The following DCUN1D4 variants were observed in gnomAD, a reference collection of about 807,000 sequenced individuals.
DCUN1D4 encodes DCN1-like protein 4.
DCUN1D4 carries 22 observed loss-of-function variants against 47.9 expected under a neutral mutation model. That is an observed-to-expected ratio of 0.46 (90% CI 0.33 to 0.66). The LOEUF is 0.66. DCUN1D4 is among the 30% of genes least tolerant of loss of function. DCUN1D4 has a pLI of 0.02. For synonymous variants in DCUN1D4, 121 were observed against 112.2 expected (o/e 1.08, Z -0.50); for missense variants, 301 against 340.8 (o/e 0.88, Z 0.92).
chr4:51,841,758 T>A (rs1013308543), upstream of DCUN1D4, among the ~76,000 whole-genome samples: 1 of 151,946 alleles, frequency 6.6e-6, no homozygotes, highest in East Asian at 1.9e-4. Flanking sequence ...AGCATAACAT[T>A]TGTGTCCTGA....
chr4:51,860,947 A>G (rs1215731681), intron 1 of DCUN1D4, among the ~76,000 whole-genome samples: 1 of 152,200 alleles, frequency 6.6e-6, no homozygotes, highest in Non-Finnish European at 1.5e-5. Context: ...AATTGAACCT[A>G]GGAAAAGTTA....
At chr4:51,863,149 A>G (rs1181725878) in intron 1 of DCUN1D4, among the ~76,000 whole-genome samples, 2 of 152,222 alleles carry the variant, frequency 1.3e-5, no homozygotes, top group African/African-American at 4.8e-5. Context: ...TTATCTTTCT[A>G]TTAAGTTCAA....
At chr4:51,871,889 A>G (rs575653948) in intron 3 of DCUN1D4, among the ~76,000 whole-genome samples, 1 of 152,318 alleles carries the variant, frequency 6.6e-6, no homozygotes, top group South Asian at 2.1e-4. Context: ...TTTACAGGGA[A>G]GATGAATGGG....
intron 1 of DCUN1D4, 144 bp downstream of exon 1, chr4:51,843,411 G>C (rs968775297): frequency 1.0e-5 from 13 of 1,286,034 alleles, no homozygotes; most frequent in Middle Eastern, 5.7e-4. Context: ...CCCTCCCGGG[G>C]CCGGGGCGGG....
Position 51,915,424 on chromosome 4 carries a change from A to G in DCUN1D4, c.*1840A>G, listed in dbSNP as rs1734238086. 1 of 152,580 alleles carries G rather than the reference A, an allele frequency of 6.6e-6. No homozygotes were observed. The highest frequency in any genetic ancestry group is 2.4e-5 in the African/African-American group (1 of 41,466). 9.5% of individuals were successfully genotyped at this position (152,580 alleles called of 1,614,324 possible). A position where few individuals can be genotyped will look rare whatever the true frequency, so the allele number is the denominator to read the frequency against. On this transcript the variant is annotated 3_prime_UTR_variant, in exon 11 of 11. Coordinates refer to ENST00000334635, the MANE Select transcript of DCUN1D4 (RefSeq NM_001040402.3). ...ACCTTAAAAATTAATACCAGTTTGC[A>G]TAAACCAATATCTGAAAAGAACAGG...
chr4:51,881,414 A>T (rs1728597099), intron 5 of DCUN1D4, among the ~76,000 whole-genome samples: 1 of 152,186 alleles, frequency 6.6e-6, no homozygotes, highest in South Asian at 2.1e-4. Flanking sequence ...TAGCGAAGGA[A>T]GAGATGTTAA....
rs1734031533 is a variant in DCUN1D4, at chr4:51,913,682, T to C, written c.*98T>C. On this transcript the variant is annotated 3_prime_UTR_variant, in exon 11 of 11. Coordinates refer to ENST00000334635, the MANE Select transcript of DCUN1D4 (RefSeq NM_001040402.3). ...GTATCAAAGCGCATGCTGCTTCTCT[T>C]GCACTGTTTCCCTTTCGCAGGGACA... 9.0e-7 allele frequency: 1 copy of C among 1,107,666 alleles called. No individual in the cohort carries two copies. The highest frequency in any genetic ancestry group is 1.5e-5 in the African/African-American group (1 of 64,666). The allele number at this position is 1,107,666 out of a possible 1,614,324, so 68.6% of individuals were successfully genotyped here. A position where few individuals can be genotyped will look rare whatever the true frequency, so the allele number is the denominator to read the frequency against.
intron 8 of DCUN1D4, chr4:51,909,051 CAT>C: frequency 2.2e-6 from 1 of 453,604 alleles, no homozygotes. Flanking sequence ...CACTGCCAAA[CAT>C]ATGCATTGAA....
chr4:51,898,129 T>C (rs1004701846), intron 7 of DCUN1D4, among the ~76,000 whole-genome samples: 1 of 152,078 alleles, frequency 6.6e-6, no homozygotes, highest in Non-Finnish European at 1.5e-5. Flanking sequence ...GGGAGAGGAA[T>C]AGGAGATTAA....
chr4:51,910,614 C>T (rs1278315352), intron 8 of DCUN1D4: 1 of 157,066 alleles, frequency 6.4e-6, no homozygotes, highest in East Asian at 1.9e-4. Flanking sequence ...TCAATGAAAT[C>T]AAATTGATTT....
At chr4:51,849,377 A>C (rs1723026104) in intron 1 of DCUN1D4, among the ~76,000 whole-genome samples, 1 of 152,062 alleles carries the variant, frequency 6.6e-6, no homozygotes. Flanking sequence ...AGATTCTGTG[A>C]ACTGTCTAAT....
chr4:51,911,188 G>C lies in DCUN1D4; in HGVS notation c.720+14G>C, dbSNP rs777494080. 2.5e-6 allele frequency: 4 copies of C among 1,598,256 alleles called. No homozygotes were observed. In the East Asian group the frequency reaches 9.0e-5, roughly 36 times the overall value. ...CAATTCTTAGAGGTACCAAATTGTT[G>C]TTTTATGAAATGTATGTTTGCTTGC... On this transcript the variant is annotated intron_variant, in intron 9 of 10. Transcript: ENST00000334635.
intron 3 of DCUN1D4, among the ~76,000 whole-genome samples, chr4:51,864,330 T>C (rs1055083739): frequency 1.1e-4 from 16 of 152,180 alleles, no homozygotes; most frequent in African/African-American, 3.6e-4. Flanking sequence ...GAGAACCACT[T>C]CTCTCAACTG....
intron 1 of DCUN1D4, among the ~76,000 whole-genome samples, chr4:51,859,517 TC>T (rs1724684427): frequency 6.6e-6 from 1 of 151,794 alleles, no homozygotes; most frequent in Non-Finnish European, 1.5e-5. Context: ...TGTTTATGTC[TC>T]CCCCTGTATT....
intron 7 of DCUN1D4, among the ~76,000 whole-genome samples, chr4:51,898,215 C>G (rs1318151640): frequency 6.6e-6 from 1 of 152,152 alleles, no homozygotes; most frequent in African/African-American, 2.4e-5. Context: ...GAGGAGCTCC[C>G]AGGGAGTGGG....
In DCUN1D4 at chr4:51,916,461, C is replaced by T. The variant is rs1206524683; in HGVS notation, c.*2877C>T. On this transcript the variant is annotated 3_prime_UTR_variant, in exon 11 of 11. Transcript: ENST00000334635. ...TTAGTTTGTGCCCTTGGTTTTTATT[C>T]TTAAAACTGCTAAAATACCTCTGTA... 1 of 152,492 alleles carries T rather than the reference C, an allele frequency of 6.6e-6. No individual in the cohort carries two copies. The highest frequency in any genetic ancestry group is 2.4e-5 in the African/African-American group (1 of 41,416). The allele number at this position is 152,492 out of a possible 1,614,324, so 9.4% of individuals were successfully genotyped here.
chr4:51,894,938 G>A (rs1255117344), intron 7 of DCUN1D4, among the ~76,000 whole-genome samples: 2 of 152,242 alleles, frequency 1.3e-5, no homozygotes, highest in Non-Finnish European at 2.9e-5. Flanking sequence ...CCAAGATGCC[G>A]TAGATTTGGT....
At chr4:51,909,689 G>A (rs917165073) in intron 8 of DCUN1D4, among the ~76,000 whole-genome samples, 6 of 152,198 alleles carry the variant, frequency 3.9e-5, no homozygotes, top group African/African-American at 1.4e-4. Context: ...GCATAGAACT[G>A]TGGAACTGGG....
chr4:51,902,084 G>A (rs978737372), intron 8 of DCUN1D4, among the ~76,000 whole-genome samples: 2 of 152,042 alleles, frequency 1.3e-5, no homozygotes, highest in African/African-American at 2.4e-5. Context: ...TATTTTCCAG[G>A]TATTTAGGAT....
Sources: allele counts gnomAD v4.1 joint callset (sites outside exome capture counted in the v4.1 genomes callset), GRCh38; gene constraint gnomAD v4.1.1; transcripts MANE v1.5; gene names NCBI Gene and HGNC (gene_info 2026-07-23, HGNC 2026-07-21).